ZNF775: variants seen among roughly 807,000 people sequenced by gnomAD.
The protein encoded by ZNF775 is zinc finger protein 775.
In ZNF775, 1 loss-of-function variant was observed where a neutral mutation model predicts 2.4. The ratio of observed to expected loss-of-function variants is 0.41; its 90% CI spans 0.15 to 1.94. The LOEUF (loss-of-function observed/expected upper bound fraction) is 1.94, where lower values mean the gene tolerates loss of function less well. Among genes scored for constraint, ZNF775 ranks in the 30% most tolerant of loss-of-function variants. The pLI is 0.30. For synonymous variants in ZNF775, 381 were observed against 373.3 expected, an observed-to-expected ratio of 1.02 and a Z score of -0.24; for missense variants, 823 against 826.6, an observed-to-expected ratio of 1.00 and a Z score of 0.05.
At chr7:150,390,162 G>C (rs1052920695) in intron 2 of ZNF775, among the ~76,000 whole-genome samples, 1 of 151,906 alleles carries the variant, frequency 6.6e-6, no homozygotes, top group Non-Finnish European at 1.5e-5. Context: ...CCATTATTTC[G>C]GGACTCTCCA....
intron 2 of ZNF775, among the ~76,000 whole-genome samples, chr7:150,395,909 A>G (rs1800638115): frequency 2.0e-5 from 3 of 152,138 alleles, no homozygotes; most frequent in Non-Finnish European, 2.9e-5. Context: ...CCAAGGTCCC[A>G]GCAGGTGAAG....
In ZNF775 at chr7:150,396,588, T is replaced by A. The variant is rs919672811; in HGVS notation, c.107T>A (p.Leu36His). 1.2e-6 allele frequency: 2 copies of A among 1,609,858 alleles called. No individual in the cohort carries two copies. The highest frequency in any genetic ancestry group is 2.7e-5 in the African/African-American group (2 of 74,998). ...CAGACGCTGGCGCCGCAGGCCATGC[T>A]TGTGGAGAAGGACAAGGAGAACATA... ...LLQTLAPQAM[L>H]VEKDKENIFQ... Residue 36 changes from leucine to histidine, a missense_variant, in exon 3 of 3, where the codon CTT becomes CAT. Leu to His is a moderately conservative substitution (Grantham distance 99). Transcript: ENST00000329630.
chr7:150,398,322 G>T lies in ZNF775; in HGVS notation c.*227G>T. On this transcript the variant is annotated 3_prime_UTR_variant, in exon 3 of 3. Transcript: ENST00000329630. The stretch of plus-strand genomic sequence containing the variant: ...AGGGAAGATCCGAGTTCCTCACCGC[G>T]GGCCGGGATGTGACCACCCTCTTCA... 1.4e-6 allele frequency: 1 copy of T among 706,494 alleles called. No homozygotes were observed. The highest frequency in any genetic ancestry group is 2.2e-6 in the Non-Finnish European group (1 of 448,692). The allele number at this position is 706,494 out of a possible 1,614,324, so 43.8% of individuals were successfully genotyped here. A position where few individuals can be genotyped will look rare whatever the true frequency, so the allele number is the denominator to read the frequency against.
rs1407240953 is a variant in ZNF775 at position 150,388,445 on chromosome 7, G to A, written c.-26G>A. 2.6e-6 allele frequency: 4 copies of A among 1,551,620 alleles called. No individual in the cohort carries two copies. The Admixed American group carries it at 7.8e-5, about 30-fold the overall frequency. On this transcript the variant is annotated 5_prime_UTR_variant, in exon 2 of 3. Transcript: ENST00000329630. ...AGATGGCAGGAAAGGGACACAGCCG[G>A]CGCTGATGCTGGGAGGCCTCCAGGG...
chr7:150,388,463 C>T lies in ZNF775; in HGVS notation c.-8C>T. 9 of 1,551,764 alleles carry T rather than the reference C, an allele frequency of 5.8e-6. No individual in the cohort carries two copies. Among genetic ancestry groups the T allele is most frequent in the African/African-American group, 1.4e-5 (1 of 73,152 alleles). ...ACAGCCGGCGCTGATGCTGGGAGGCCTCCAGGGATGGAGAGTGGCCTGGCT... is the reference window on the plus strand; with the variant it reads ...ACAGCCGGCGCTGATGCTGGGAGGCTTCCAGGGATGGAGAGTGGCCTGGCT... On this transcript the variant is annotated 5_prime_UTR_variant, in exon 2 of 3. Coordinates refer to ENST00000329630, the MANE Select transcript of ZNF775 (RefSeq NM_173680.4).
chr7:150,386,454 A>G (rs190292402), intron 1 of ZNF775, among the ~76,000 whole-genome samples: 2 of 152,132 alleles, frequency 1.3e-5, no homozygotes, highest in East Asian at 3.9e-4. Flanking sequence ...CCCTCCCCCG[A>G]CGTCTCTTGT....
At chr7:150,390,498 C>T (rs555411330) in intron 2 of ZNF775, among the ~76,000 whole-genome samples, 1 of 152,310 alleles carries the variant, frequency 6.6e-6, no homozygotes, top group Admixed American at 6.5e-5. Flanking sequence ...CATCCTGGAT[C>T]ATGCCTGTGT....
chr7:150,386,329 A>G (rs1361054411), intron 1 of ZNF775, among the ~76,000 whole-genome samples: 2 of 152,250 alleles, frequency 1.3e-5, no homozygotes, highest in Non-Finnish European at 2.9e-5. Flanking sequence ...AAAGACAGAG[A>G]TAGAGCTTAT....
chr7:150,395,993 T>A (rs898136243), intron 2 of ZNF775, among the ~76,000 whole-genome samples: 4 of 151,972 alleles, frequency 2.6e-5, no homozygotes, highest in African/African-American at 9.7e-5. Flanking sequence ...GACCCAGGGG[T>A]TGGTCTCCCT....
intron 2 of ZNF775, among the ~76,000 whole-genome samples, chr7:150,394,433 G>T (rs186423665): frequency 6.6e-6 from 1 of 152,066 alleles, no homozygotes; most frequent in South Asian, 2.1e-4. Context: ...ATGTTGATGC[G>T]TTTCTCTTTG....
rs750340529 is a variant in ZNF775 at position 150,397,018 on chromosome 7, C to G, written c.537C>G (p.Leu179=). The change falls in exon 3 of 3, where the codon CTC becomes CTG. Residue 179 remains leucine (L), a synonymous_variant. Transcript: ENST00000329630. The part of the protein sequence containing the change: ...ARRFSQKQHL[L]KHQKTHSRPA... ...GCTTCAGCCAGAAGCAGCACCTGCT[C>G]AAGCACCAGAAGACCCACTCCCGGC... The G allele has an allele frequency of 1.4e-5, 22 of 1,598,362 alleles. No homozygotes were observed. The Admixed American group carries it at 2.8e-4, about 21-fold the overall frequency.
intron 1 of ZNF775, among the ~76,000 whole-genome samples, chr7:150,386,761 C>T (rs992443988): frequency 6.6e-6 from 1 of 152,090 alleles, no homozygotes; most frequent in Non-Finnish European, 1.5e-5. Flanking sequence ...GCACCCCCAG[C>T]GAGGAGGAGA....
At position 150,396,789 on chromosome 7, in the gene ZNF775, G is replaced by A; in HGVS notation, c.308G>A (p.Gly103Asp). ...CCCCTGAGCCCCTCGCTTTCCTCCGGCGAGGGTCACTTTGTATGCCTGGAC... is the reference window on the plus strand; with the variant it reads ...CCCCTGAGCCCCTCGCTTTCCTCCGACGAGGGTCACTTTGTATGCCTGGAC... ...SGPLSPSLSS[G>D]EGHFVCLDCG... is the part of the protein sequence containing the mutation. The change falls in exon 3 of 3, where the codon GGC becomes GAC. Residue 103 changes from glycine to aspartate, a missense_variant. Coordinates refer to ENST00000329630, the MANE Select transcript of ZNF775 (RefSeq NM_173680.4). 6.3e-7 allele frequency: 1 copy of A among 1,596,696 alleles called. No individual in the cohort carries two copies. The highest frequency in any genetic ancestry group is 1.3e-5 in the African/African-American group (1 of 74,798).
chr7:150,397,193 C>A lies in ZNF775; in HGVS notation c.712C>A (p.Arg238Ser). 6.0e-6 allele frequency: 7 copies of A among 1,157,404 alleles called. No individual in the cohort carries two copies. The highest frequency in any genetic ancestry group is 4.9e-5 in the Admixed American group (1 of 20,612). The allele number at this position is 1,157,404 out of a possible 1,614,324, so 71.7% of individuals were successfully genotyped here. Residue 238 changes from arginine to serine, a missense_variant, in exon 3 of 3, where the codon CGC becomes AGC. Coordinates refer to ENST00000329630, the MANE Select transcript of ZNF775 (RefSeq NM_173680.4). ...GGACGCGGCGGCGCGCCGGGCCTGT[C>A]GCCTGCAGCCGGGGCCGCCGCGGGG... ...IQDAAARRAC[R>S]LQPGPPRGRP... is the part of the protein sequence containing the mutation.
At chr7:150,380,476 T>C (rs1800341916) in intron 1 of ZNF775, among the ~76,000 whole-genome samples, 2 of 152,198 alleles carry the variant, frequency 1.3e-5, no homozygotes, top group Admixed American at 1.3e-4. Flanking sequence ...GATTCCTGGC[T>C]GTGCCTGGTG....
rs1434390404 is a variant in ZNF775 at position 150,397,955 on chromosome 7, C to T, written c.1474C>T (p.His492Tyr). 2.5e-6 allele frequency: 4 copies of T among 1,599,846 alleles called. No homozygotes were observed. Among genetic ancestry groups the T allele is most frequent in the Non-Finnish European group, 1.7e-6 (2 of 1,178,410 alleles). The change falls in exon 3 of 3, where the codon CAC becomes TAC. Residue 492 changes from histidine to tyrosine, a missense_variant. Transcript: ENST00000329630. The stretch of plus-strand genomic sequence containing the variant: ...CAGCCAGAAGCCCAACCTGACGCGG[C>T]ACCGGCGCAACCACACAGGCGAGCG... ...RFSQKPNLTR[H>Y]RRNHTGERPY... is the part of the protein sequence containing the mutation.
At chr7:150,387,366 T>C (rs1478792813) in intron 1 of ZNF775, among the ~76,000 whole-genome samples, 1 of 149,324 alleles carries the variant, frequency 6.7e-6, no homozygotes, top group African/African-American at 2.5e-5. Context: ...TGGGAGCTGA[T>C]AGAAGTGTGG....
intron 1 of ZNF775, among the ~76,000 whole-genome samples, chr7:150,381,136 G>A (rs2129620751): frequency 6.6e-6 from 1 of 152,282 alleles, no homozygotes; most frequent in Non-Finnish European, 1.5e-5. Flanking sequence ...AGGAATGTAA[G>A]TGCAGCTCTC....
Position 150,396,656 on chromosome 7 carries a change from C to T in ZNF775, c.175C>T (p.Arg59Trp), listed in dbSNP as rs1241882894. Residue 59 changes from arginine (R) to tryptophan (W), a missense_variant, in exon 3 of 3, where the codon CGG becomes TGG. Physicochemically the swap from Arg to Trp is moderately radical, Grantham distance 101. Coordinates refer to ENST00000329630, the MANE Select transcript of ZNF775 (RefSeq NM_173680.4). ...CCTCCCGCCACGCCAGACCATGGGGCGGCCTCGAGCCCTGGGGGGACAGGA... is the reference window on the plus strand; with the variant it reads ...CCTCCCGCCACGCCAGACCATGGGGTGGCCTCGAGCCCTGGGGGGACAGGA... ...RGLPPRQTMG[R>W]PRALGGQEES... 6.2e-7 allele frequency: 1 copy of T among 1,611,126 alleles called. No homozygotes were observed. The highest frequency in any genetic ancestry group is 1.7e-5 in the Admixed American group (1 of 59,868).
Sources: gnomAD v4.1 joint callset for allele counts (sites outside exome capture counted in the v4.1 genomes callset) on GRCh38, gnomAD v4.1.1 for gene constraint, MANE v1.5 for transcripts, NCBI Gene and HGNC (gene_info 2026-07-23, HGNC 2026-07-21) for gene names.